KCND2: variants seen among roughly 807,000 people sequenced by gnomAD.
KCND2 encodes A-type voltage-gated potassium channel KCND2.
KCND2 carries 16 observed loss-of-function variants against 54.4 expected under a neutral mutation model. The observed-to-expected ratio is 0.29, with a 90% CI of 0.20 to 0.45. KCND2 has a LOEUF of 0.45. KCND2 is among the 20% of genes least tolerant of loss of function. The pLI is 1.00. For synonymous variants in KCND2, 317 were observed against 310.7 expected (o/e 1.02, Z -0.21); for missense variants, 486 against 824.2 (o/e 0.59, Z 5.02).
intron 2 of KCND2, among the ~76,000 whole-genome samples, chr7:120,735,927 G>A (rs936478598): frequency 1.3e-5 from 2 of 151,980 alleles, no homozygotes; most frequent in Non-Finnish European, 2.9e-5. Flanking sequence ...CTTCCCAAGA[G>A]ATTAGGGGGA....
At chr7:120,636,823 C>A (rs1793310446) in intron 1 of KCND2, among the ~76,000 whole-genome samples, 2 of 152,132 alleles carry the variant, frequency 1.3e-5, no homozygotes, top group South Asian at 4.1e-4. Flanking sequence ...TGGCAGTTTT[C>A]TCCTCTACAA....
intron 1 of KCND2, among the ~76,000 whole-genome samples, chr7:120,325,529 A>G (rs1213065924): frequency 1.3e-5 from 2 of 151,370 alleles, no homozygotes; most frequent in Admixed American, 6.6e-5. Flanking sequence ...GAATTTTGTC[A>G]AAGGCCTTTT....
intron 1 of KCND2, among the ~76,000 whole-genome samples, chr7:120,480,837 G>T (rs574162521): frequency 1.3e-5 from 2 of 152,232 alleles, no homozygotes; most frequent in South Asian, 4.1e-4. Flanking sequence ...AAAGAACATC[G>T]GTACCAAGAA....
intron 1 of KCND2, among the ~76,000 whole-genome samples, chr7:120,420,698 C>T (rs560710587): frequency 3.9e-5 from 6 of 151,948 alleles, no homozygotes; most frequent in African/African-American, 1.2e-4. Context: ...TTGATGAGTA[C>T]GGAGGCTGGA....
At chr7:120,370,731 A>G (rs1322390559) in intron 1 of KCND2, among the ~76,000 whole-genome samples, 1 of 152,030 alleles carries the variant, frequency 6.6e-6, no homozygotes, top group Non-Finnish European at 1.5e-5. Flanking sequence ...CGGAAAAGGG[A>G]CAGAGTTGGA....
At chr7:120,492,031 T>C (rs1379136747) in intron 1 of KCND2, among the ~76,000 whole-genome samples, 2 of 152,124 alleles carry the variant, frequency 1.3e-5, no homozygotes, top group African/African-American at 4.8e-5. Context: ...AATGTTTTCT[T>C]TGTGTCTTGT....
At chr7:120,633,917 C>A (rs552122220) in intron 1 of KCND2, among the ~76,000 whole-genome samples, 1 of 152,200 alleles carries the variant, frequency 6.6e-6, no homozygotes, top group Non-Finnish European at 1.5e-5. Flanking sequence ...GGTAGTATAG[C>A]AAGGATTTTA....
chr7:120,524,683 C>T (rs556045321), intron 1 of KCND2, among the ~76,000 whole-genome samples: 1 of 152,158 alleles, frequency 6.6e-6, no homozygotes, highest in Non-Finnish European at 1.5e-5. Flanking sequence ...TTTATTCACT[C>T]ATTTTGGCAA....
rs372295264 is a variant in KCND2, at chr7:120,423,530, A to G, written c.1115+147783A>G. ...ATCAAGACGCATAGTTTATAGCTAA[A>G]TAAATGAATGCTTGGACATTGTTGT... On this transcript the variant is annotated intron_variant, in intron 1 of 5. Coordinates refer to ENST00000331113, the MANE Select transcript of KCND2 (RefSeq NM_012281.3). 2.4e-4 allele frequency among the ~76,000 whole-genome samples: 36 copies of G among 152,360 alleles called. 1 individual carries two copies. In the East Asian group the frequency reaches 5.0e-3, roughly 21 times the overall value.
intron 1 of KCND2, among the ~76,000 whole-genome samples, chr7:120,580,441 C>G (rs990480364): frequency 2.6e-5 from 4 of 152,182 alleles, no homozygotes; most frequent in Non-Finnish European, 5.9e-5. Flanking sequence ...CTTCCACCTT[C>G]TGCTCCACAA....
At chr7:120,432,072 C>A (rs1400620519) in intron 1 of KCND2, among the ~76,000 whole-genome samples, 2 of 152,148 alleles carry the variant, frequency 1.3e-5, no homozygotes, top group East Asian at 1.9e-4. Flanking sequence ...TAAATCAGAA[C>A]ATGAATATTT....
intron 1 of KCND2, among the ~76,000 whole-genome samples, chr7:120,518,562 G>A (rs376029569): frequency 2.7e-4 from 41 of 152,090 alleles, no homozygotes; most frequent in African/African-American, 9.4e-4. Context: ...ATAAAGTTAG[G>A]TGTACAGTTT....
At chr7:120,446,596 A>C (rs909644704) in intron 1 of KCND2, among the ~76,000 whole-genome samples, 1 of 152,140 alleles carries the variant, frequency 6.6e-6, no homozygotes, top group African/African-American at 2.4e-5. Flanking sequence ...ACACTCATAC[A>C]TACAAACATA....
chr7:120,336,119 A>G (rs1313721596), intron 1 of KCND2, among the ~76,000 whole-genome samples: 1 of 152,216 alleles, frequency 6.6e-6, no homozygotes, highest in African/African-American at 2.4e-5. Flanking sequence ...AAAAATTTTC[A>G]TCACAGGAAT....
Position 120,435,734 on chromosome 7 carries a change from T to G in KCND2, c.1115+159987T>G, listed in dbSNP as rs183211588. On this transcript the variant is annotated intron_variant, in intron 1 of 5. Coordinates refer to ENST00000331113, the MANE Select transcript of KCND2 (RefSeq NM_012281.3). The stretch of plus-strand genomic sequence containing the variant: ...TCTTCTGGCATGTCTAACCAGTGGA[T>G]ATATATATATATATAGCCAGTCTCA... Among the ~76,000 whole-genome samples, 470 of 149,886 alleles carry G rather than the reference T, an allele frequency of 3.1e-3. 3 individuals are homozygous for G. Among genetic ancestry groups the G allele is most frequent in the African/African-American group, 0.011 (441 of 41,170 alleles).
chr7:120,274,671 G>A lies in KCND2; in HGVS notation c.39G>A (p.Arg13=), dbSNP rs1008748075. The change falls in exon 1 of 6, where the codon AGG becomes AGA. Residue 13 remains arginine (R), a synonymous_variant. Transcript: ENST00000331113. ...TGGCAGCGTGGCTGCCTTTTGCAAG[G>A]GCAGCGGCTATCGGGTGGATGCCTG... ...AGVAAWLPFA[R]AAAIGWMPVA... 2.9e-5 allele frequency: 46 copies of A among 1,613,968 alleles called. No individual in the cohort carries two copies. The highest frequency in any genetic ancestry group is 4.0e-5 in the African/African-American group (3 of 74,922).
At chr7:120,420,927 C>T (rs1163471744) in intron 1 of KCND2, among the ~76,000 whole-genome samples, 1 of 151,980 alleles carries the variant, frequency 6.6e-6, no homozygotes, top group Non-Finnish European at 1.5e-5. Flanking sequence ...TGTAAGAGAA[C>T]AAATTGAACT....
chr7:120,644,423 AC>A (rs1378390105), intron 1 of KCND2, among the ~76,000 whole-genome samples: 1 of 152,218 alleles, frequency 6.6e-6, no homozygotes, highest in East Asian at 1.9e-4. Flanking sequence ...TACCAAGGAA[AC>A]TGTGGGATAA....
chr7:120,345,617 T>C (rs867339803), intron 1 of KCND2, among the ~76,000 whole-genome samples: 1 of 152,184 alleles, frequency 6.6e-6, no homozygotes, highest in South Asian at 2.1e-4. Context: ...AGGTCTCTCA[T>C]ACAAGTGGAC....
Sources: allele counts gnomAD v4.1 joint callset (sites outside exome capture counted in the v4.1 genomes callset), GRCh38; gene constraint gnomAD v4.1.1; transcripts MANE v1.5; gene names NCBI Gene and HGNC (gene_info 2026-07-23, HGNC 2026-07-21).